The following SDC2 variants were observed in gnomAD, a reference collection of about 807,000 sequenced individuals.
SDC2 encodes syndecan 2.
Under a neutral mutation model 22.2 loss-of-function variants are expected in SDC2, and 13 were observed. That is an observed-to-expected ratio of 0.59 (90% CI 0.38 to 0.93). The LOEUF (loss-of-function observed/expected upper bound fraction) is 0.93. SDC2 is among the 40% of genes least tolerant of loss of function. The probability of loss-of-function intolerance (pLI) is 0.00; values close to 1 mark genes in which losing one functional copy is unlikely to be tolerated. For missense variants in SDC2, 235 were observed against 246.8 expected (o/e 0.95, Z 0.32); for synonymous variants, 94 against 92.8 (o/e 1.01, Z -0.07).
chr8:96,552,315 T>A (rs781250293), intron 1 of SDC2, among the ~76,000 whole-genome samples: 2 of 152,178 alleles, frequency 1.3e-5, no homozygotes, highest in Non-Finnish European at 2.9e-5. Flanking sequence ...CCCTCCTTTG[T>A]TTTGATTTAT....
chr8:96,527,903 C>T (rs937916019), intron 1 of SDC2, among the ~76,000 whole-genome samples: 3 of 152,114 alleles, frequency 2.0e-5, no homozygotes, highest in Admixed American at 2.0e-4. Flanking sequence ...TATCATATAT[C>T]TACATGTGTG....
chr8:96,545,204 A>C (rs1471943208), intron 1 of SDC2, among the ~76,000 whole-genome samples: 1 of 152,220 alleles, frequency 6.6e-6, no homozygotes. Flanking sequence ...GAGGGTTTTT[A>C]GAAAGTCGAA....
rs1371071215 is a variant in SDC2, at chr8:96,611,575, T to G, written c.*2027T>G. On this transcript the variant is annotated 3_prime_UTR_variant, in exon 5 of 5. Transcript: ENST00000302190. ...ATAGCCTAGCTTTCTAAAGCCACGC[T>G]GTGTCCCTCAATTACAGAGGGTAGG... The G allele has an allele frequency of 6.6e-6, 1 of 152,632 alleles. No individual in the cohort carries two copies. 9.5% of individuals were successfully genotyped at this position (152,632 alleles called of 1,614,324 possible).
intron 2 of SDC2, among the ~76,000 whole-genome samples, chr8:96,600,980 A>G (rs1282562404): frequency 6.6e-6 from 1 of 152,184 alleles, no homozygotes; most frequent in Non-Finnish European, 1.5e-5. Flanking sequence ...GAAGAGGCCT[A>G]GGGACAGACC....
At chr8:96,508,871 A>G (rs530181442) in intron 1 of SDC2, among the ~76,000 whole-genome samples, 1 of 142,242 alleles carries the variant, frequency 7.0e-6, no homozygotes, top group East Asian at 2.0e-4. Flanking sequence ...AATGGGTACA[A>G]CCCTGGATCA....
At chr8:96,534,363 C>T (rs151335970) in intron 1 of SDC2, among the ~76,000 whole-genome samples, 22 of 152,320 alleles carry the variant, frequency 1.4e-4, no homozygotes, top group Non-Finnish European at 2.2e-4. Context: ...GCTGCCAGCA[C>T]GCTGTCACCT....
In SDC2 at chr8:96,494,066, G is replaced by C. The variant is rs1813005328; in HGVS notation, c.-206G>C. 1 of 558,070 alleles carries C rather than the reference G, an allele frequency of 1.8e-6. No individual in the cohort carries two copies. Among genetic ancestry groups the C allele is most frequent in the Non-Finnish European group, 3.1e-6 (1 of 321,064 alleles). The allele number at this position is 558,070 out of a possible 1,614,324, so 34.6% of individuals were successfully genotyped here. ...CAAGTGAGAGGGCGCCGCGTTCCCGGGGCGCAGCTGCGGGCGGCGGGAGCA... is the reference window on the plus strand; with the variant it reads ...CAAGTGAGAGGGCGCCGCGTTCCCGCGGCGCAGCTGCGGGCGGCGGGAGCA... On this transcript the variant is annotated 5_prime_UTR_variant, in exon 1 of 5. Coordinates refer to ENST00000302190, the MANE Select transcript of SDC2 (RefSeq NM_002998.4).
intron 1 of SDC2, among the ~76,000 whole-genome samples, chr8:96,531,216 CATT>C (rs1171087482): frequency 6.6e-6 from 1 of 152,152 alleles, no homozygotes; most frequent in African/African-American, 2.4e-5. Flanking sequence ...GAATTAGTGA[CATT>C]ATGATAAATA....
chr8:96,561,496 G>A (rs1814210290), intron 1 of SDC2, among the ~76,000 whole-genome samples: 3 of 152,156 alleles, frequency 2.0e-5, no homozygotes, highest in African/African-American at 7.2e-5. Flanking sequence ...GGGGAATGCT[G>A]TACAGGTTGT....
chr8:96,536,954 C>A (rs568240749), intron 1 of SDC2, among the ~76,000 whole-genome samples: 28 of 152,304 alleles, frequency 1.8e-4, no homozygotes, highest in African/African-American at 6.7e-4. Flanking sequence ...AGTTTTACAT[C>A]TGAATCTTCA....
chr8:96,520,001 T>G (rs549537823), intron 1 of SDC2, among the ~76,000 whole-genome samples: 2 of 152,334 alleles, frequency 1.3e-5, no homozygotes, highest in African/African-American at 4.8e-5. Context: ...CCCACTAATT[T>G]GGCTAATTTA....
chr8:96,506,499 C>CGGA (rs1813241106), intron 1 of SDC2, among the ~76,000 whole-genome samples: 1 of 151,876 alleles, frequency 6.6e-6, no homozygotes, highest in Non-Finnish European at 1.5e-5. Flanking sequence ...TTATAAGAGA[C>CGGA]GGAGTCTCAT....
intron 1 of SDC2, among the ~76,000 whole-genome samples, chr8:96,521,731 C>T (rs1813500973): frequency 6.6e-6 from 1 of 152,174 alleles, no homozygotes; most frequent in Admixed American, 6.5e-5. Flanking sequence ...CAGCTTTCTT[C>T]CTTTTAAAGG....
intron 2 of SDC2, among the ~76,000 whole-genome samples, chr8:96,601,182 T>C (rs1450057616): frequency 6.6e-6 from 1 of 152,120 alleles, no homozygotes; most frequent in Non-Finnish European, 1.5e-5. Flanking sequence ...AGGAAGGCGA[T>C]TCTGAAGAGT....
At chr8:96,536,003 T>G (rs1813748504) in intron 1 of SDC2, among the ~76,000 whole-genome samples, 2 of 152,264 alleles carry the variant, frequency 1.3e-5, no homozygotes, top group South Asian at 4.1e-4. Flanking sequence ...AAGAAATGAT[T>G]TGTGTATGTC....
intron 1 of SDC2, among the ~76,000 whole-genome samples, chr8:96,552,472 A>G (rs1477617383): frequency 6.6e-6 from 1 of 152,238 alleles, no homozygotes; most frequent in East Asian, 1.9e-4. Flanking sequence ...ATCATGCTGC[A>G]GTCTTTTAAC....
chr8:96,602,650 A>G lies in SDC2; in HGVS notation c.306+122A>G, dbSNP rs559742089. 18 of 1,064,212 alleles carry G rather than the reference A, an allele frequency of 1.7e-5. No homozygotes were observed. The African/African-American group carries it at 2.4e-4, about 14-fold the overall frequency. The allele number at this position is 1,064,212 out of a possible 1,614,324, so 65.9% of individuals were successfully genotyped here. A position where few individuals can be genotyped will look rare whatever the true frequency, so the allele number is the denominator to read the frequency against. ...TTTTTGGAGCTACCCATCATGAACT[A>G]TGTACACAACAGTTCTTTTAAAAGA... On this transcript the variant is annotated intron_variant, in intron 3 of 4. Transcript: ENST00000302190.
intron 1 of SDC2, among the ~76,000 whole-genome samples, chr8:96,514,174 A>C (rs1249566983): frequency 2.0e-5 from 3 of 152,176 alleles, no homozygotes; most frequent in African/African-American, 7.2e-5. Flanking sequence ...TTGAAATCTA[A>C]CATTACCTCA....
chr8:96,513,699 C>T (rs1324729627), intron 1 of SDC2, among the ~76,000 whole-genome samples: 1 of 152,174 alleles, frequency 6.6e-6, no homozygotes, highest in Non-Finnish European at 1.5e-5. Flanking sequence ...GCACCTGACC[C>T]TTTGTCTTCT....
Sources: allele counts gnomAD v4.1 joint callset (sites outside exome capture counted in the v4.1 genomes callset), GRCh38; gene constraint gnomAD v4.1.1; transcripts MANE v1.5; gene names NCBI Gene and HGNC (gene_info 2026-07-23, HGNC 2026-07-21).